HIVEP3: variants seen among roughly 807,000 people sequenced by gnomAD.
HIVEP3 encodes the protein HIVEP zinc finger 3.
A neutral mutation model predicts 152.8 loss-of-function variants in HIVEP3; 49 were observed. That is an observed-to-expected ratio of 0.32 (90% CI 0.26 to 0.41). The LOEUF (loss-of-function observed/expected upper bound fraction) is 0.41, where lower values mean the gene tolerates loss of function less well. HIVEP3 is among the 10% of genes least tolerant of loss of function. The probability of loss-of-function intolerance (pLI) is 1.00; values close to 1 mark genes in which losing one functional copy is unlikely to be tolerated. For missense variants in HIVEP3, 2,790 were observed against 3,103.3 expected (o/e 0.90, Z 2.40); for synonymous variants, 1,269 against 1,289.0 (o/e 0.98, Z 0.33).
intron 1 of HIVEP3, among the ~76,000 whole-genome samples, chr1:41,912,172 G>T (rs1286347882): frequency 6.6e-6 from 1 of 152,182 alleles, no homozygotes; most frequent in Non-Finnish European, 1.5e-5. Flanking sequence ...CCAGAAGATG[G>T]TAATCCCTGA....
At chr1:41,631,444 A>T (rs1474724272) in intron 2 of HIVEP3, among the ~76,000 whole-genome samples, 1 of 152,094 alleles carries the variant, frequency 6.6e-6, no homozygotes, top group Admixed American at 6.5e-5. Context: ...GAACCCAATA[A>T]TCTGGGTCTG....
In HIVEP3 at chr1:41,575,615, T is replaced by C. The variant is rs1227679961; in HGVS notation, c.5136A>G (p.Arg1712=). 5.6e-6 allele frequency: 9 copies of C among 1,613,970 alleles called. No individual in the cohort carries two copies. The Middle Eastern group carries it at 4.9e-4, about 88-fold the overall frequency. Residue 1712 remains arginine, a synonymous_variant, in exon 5 of 9, where the codon AGA becomes AGG. Transcript: ENST00000372583. ...LARVEKEEER[R]GEPEEDAPAS... ...CAGGAGCATCCTCCTCCGGCTCCCC[T>C]CTCCTCTCTTCTTCCTTCTCCACTC...
intron 3 of HIVEP3, among the ~76,000 whole-genome samples, chr1:41,605,604 C>G (rs898933362): frequency 6.6e-6 from 1 of 151,576 alleles, no homozygotes; most frequent in Admixed American, 6.6e-5. Flanking sequence ...AACAGGTTCC[C>G]AGTACAGGTT....
In HIVEP3 at chr1:41,519,262, A is replaced by C. The variant is rs1040785144; in HGVS notation, c.5384-774T>G. Among the ~76,000 whole-genome samples, 11 of 152,222 alleles carry C rather than the reference A, an allele frequency of 7.2e-5. No individual in the cohort carries two copies. The South Asian group carries it at 2.3e-3, about 32-fold the overall frequency. ...CCTGCTCCATGCCTACAAAGCCCTC[A>C]GAGGGGAGGCTGACTTTGCCCCAAG... On this transcript the variant is annotated intron_variant, in intron 6 of 8. Transcript: ENST00000372583.
intron 2 of HIVEP3, among the ~76,000 whole-genome samples, chr1:41,636,844 A>T (rs1645281100): frequency 1.3e-5 from 2 of 151,974 alleles, no homozygotes; most frequent in African/African-American, 4.8e-5. Context: ...CTGTAATCCC[A>T]GCTACTTGGG....
chr1:41,615,845 T>A (rs1644961055), intron 3 of HIVEP3, among the ~76,000 whole-genome samples: 1 of 137,816 alleles, frequency 7.3e-6, no homozygotes, highest in Admixed American at 7.2e-5. Context: ...TTTTTTTTTT[T>A]AGCAGGGTGG....
chr1:41,748,835 A>G (rs1647111998), intron 1 of HIVEP3, among the ~76,000 whole-genome samples: 1 of 152,178 alleles, frequency 6.6e-6, no homozygotes. Flanking sequence ...GGCCTCTTTG[A>G]GGCTTGAGTT....
At chr1:41,683,470 A>G (rs1054514566) in intron 2 of HIVEP3, among the ~76,000 whole-genome samples, 58 of 152,304 alleles carry the variant, frequency 3.8e-4, no homozygotes, top group East Asian at 7.7e-4. Context: ...CTAACAATTA[A>G]TCATTGCAGA....
intron 2 of HIVEP3, among the ~76,000 whole-genome samples, chr1:41,648,351 C>T (rs1645493407): frequency 6.6e-6 from 1 of 152,164 alleles, no homozygotes; most frequent in African/African-American, 2.4e-5. Flanking sequence ...TCCCTCACCT[C>T]CACTCAACCA....
At chr1:41,855,443 A>G (rs974051851) in intron 1 of HIVEP3, among the ~76,000 whole-genome samples, 1 of 152,100 alleles carries the variant, frequency 6.6e-6, no homozygotes, top group African/African-American at 2.4e-5. Flanking sequence ...AATTTTCGCA[A>G]CCTACTCATC....
At chr1:41,527,463 CT>C (rs1643024575) in intron 5 of HIVEP3, among the ~76,000 whole-genome samples, 2 of 139,134 alleles carry the variant, frequency 1.4e-5, no homozygotes, top group Non-Finnish European at 3.1e-5. Flanking sequence ...CACCCCTGTC[CT>C]CACACTCACC....
Position 41,679,601 on chromosome 1 carries a change from A to G in HIVEP3, c.-721+21315T>C, listed in dbSNP as rs1646008421. On this transcript the variant is annotated intron_variant, in intron 2 of 8. Transcript: ENST00000372583. ...ATGGAGGGGAGCTGACCAGCCTACA[A>G]GGTGCTGCTGCCCAGCTGTGGCTCT... 2.0e-5 allele frequency among the ~76,000 whole-genome samples: 3 copies of G among 152,138 alleles called. No homozygotes were observed. The South Asian group carries it at 6.2e-4, about 32-fold the overall frequency.
At chr1:41,736,842 T>C in intron 1 of HIVEP3, among the ~76,000 whole-genome samples, 1 of 152,114 alleles carries the variant, frequency 6.6e-6, no homozygotes, top group East Asian at 1.9e-4. Context: ...GTCAGAGGGA[T>C]GTGGCCTGAA....
At position 41,507,554 on chromosome 1, in the gene HIVEP3, G is replaced by T. The variant is rs1274880972; in HGVS notation, c.*2897C>A. 6.6e-6 allele frequency: 1 copy of T among 152,308 alleles called. No homozygotes were observed. Among genetic ancestry groups the T allele is most frequent in the African/African-American group, 2.4e-5 (1 of 41,448 alleles). 9.4% of individuals were successfully genotyped at this position (152,308 alleles called of 1,614,324 possible). ...AGGACCAGGACTAGTCTGTACCGAG[G>T]AATGGCCACCCCGCGCATTTCAACA... On this transcript the variant is annotated 3_prime_UTR_variant, in exon 9 of 9. Coordinates refer to ENST00000372583, the MANE Select transcript of HIVEP3 (RefSeq NM_024503.5).
At chr1:41,854,433 G>A (rs1019883437) in intron 1 of HIVEP3, among the ~76,000 whole-genome samples, 3 of 150,982 alleles carry the variant, frequency 2.0e-5, no homozygotes, top group East Asian at 1.9e-4. Flanking sequence ...ACTCCTGTTC[G>A]CTCACCCCTC....
At chr1:41,981,196 C>T (rs1253071636) in intron 1 of HIVEP3, among the ~76,000 whole-genome samples, 4 of 152,144 alleles carry the variant, frequency 2.6e-5, no homozygotes, top group South Asian at 4.1e-4. Context: ...GAAGAAGGTA[C>T]GTGTCTCCAA....
chr1:41,955,154 C>A (rs1166155811), intron 1 of HIVEP3, among the ~76,000 whole-genome samples: 4 of 152,022 alleles, frequency 2.6e-5, no homozygotes. Context: ...ACAATGAAAC[C>A]CATTTTACAA....
intron 1 of HIVEP3, among the ~76,000 whole-genome samples, chr1:41,780,359 G>A (rs963314444): frequency 2.0e-5 from 3 of 152,212 alleles, no homozygotes; most frequent in African/African-American, 7.2e-5. Flanking sequence ...CAGTGCCAAG[G>A]GGTAGTGAAG....
At chr1:41,621,822 C>T (rs1273386529) in intron 3 of HIVEP3, among the ~76,000 whole-genome samples, 1 of 152,184 alleles carries the variant, frequency 6.6e-6, no homozygotes, top group Non-Finnish European at 1.5e-5. Context: ...CTGGTCAGCC[C>T]TGCTCTTCTC....
Sources: gnomAD v4.1 joint callset for allele counts (sites outside exome capture counted in the v4.1 genomes callset) on GRCh38, gnomAD v4.1.1 for gene constraint, MANE v1.5 for transcripts, NCBI Gene and HGNC (gene_info 2026-07-23, HGNC 2026-07-21) for gene names.